The following RTL4 variants were observed in gnomAD, a reference collection of about 807,000 sequenced individuals.
The protein encoded by RTL4 is retrotransposon Gag-like protein 4.
RTL4 carries 4 observed loss-of-function variants against 5.3 expected under a neutral mutation model. The ratio of observed to expected loss-of-function variants is 0.75; its 90% CI spans 0.37 to 1.72. The LOEUF (loss-of-function observed/expected upper bound fraction) is 1.72. Ranked by LOEUF, RTL4 falls within the 40% of genes most tolerant of loss-of-function variation. The pLI is 0.04. For synonymous variants in RTL4, 98 were observed against 87.3 expected (o/e 1.12, Z -0.68); for missense variants, 260 against 227.1 (o/e 1.14, Z -0.93).
At chrX:112,276,553 G>A in the RTL4 span, among the ~76,000 whole-genome samples, 1,754 of 111,752 alleles carry the variant, frequency 0.016, 30 homozygotes, top group African/African-American at 0.055. Flanking sequence ...CTCAGAACCT[G>A]TTTTCTACTC....
chrX:112,092,914 A>G, the RTL4 span, among the ~76,000 whole-genome samples: 1 of 111,401 alleles, frequency 9.0e-6, no homozygotes, highest in African/African-American at 3.3e-5. Context: ...AGTCTCAGGT[A>G]TGTCTTTATC....
chrX:112,373,411 T>C, the RTL4 span, among the ~76,000 whole-genome samples: 1 of 111,226 alleles, frequency 9.0e-6, no homozygotes, highest in East Asian at 2.8e-4. Flanking sequence ...TAATGTCTTG[T>C]GTGATGTTTT....
At chrX:112,330,976 C>T in the RTL4 span, among the ~76,000 whole-genome samples, 1 of 109,869 alleles carries the variant, frequency 9.1e-6, no homozygotes, top group East Asian at 2.9e-4. Context: ...GAAACTGGAT[C>T]CCTTCCTTAT....
At chrX:112,256,921 T>C in the RTL4 span, among the ~76,000 whole-genome samples, 1 of 112,039 alleles carries the variant, frequency 8.9e-6, no homozygotes, top group Admixed American at 9.5e-5. Flanking sequence ...GTATTCTCTG[T>C]AGACAATCAA....
chrX:112,236,928 C>T, the RTL4 span, among the ~76,000 whole-genome samples: 1 of 110,946 alleles, frequency 9.0e-6, no homozygotes, highest in East Asian at 2.9e-4. Context: ...TAAGAGAGGG[C>T]CAGAGGGTCA....
At chrX:112,137,627 C>G in the RTL4 span, among the ~76,000 whole-genome samples, 1 of 111,736 alleles carries the variant, frequency 8.9e-6, no homozygotes, top group East Asian at 2.8e-4. Context: ...GTCCCTCCCT[C>G]GACATGTGGG....
chrX:112,258,345 C>A, the RTL4 span, among the ~76,000 whole-genome samples: 1 of 110,352 alleles, frequency 9.1e-6, no homozygotes, highest in South Asian at 3.9e-4. Flanking sequence ...TGTACCACTG[C>A]GGTGGCGGGT....
the RTL4 span, among the ~76,000 whole-genome samples, chrX:112,351,769 A>G: frequency 2.3e-4 from 26 of 111,027 alleles, no homozygotes; most frequent in Non-Finnish European, 3.8e-4. Flanking sequence ...GTCTCTGCAC[A>G]TGAGATGGGT....
chrX:112,392,867 G>T, the RTL4 span, among the ~76,000 whole-genome samples: 1 of 111,870 alleles, frequency 8.9e-6, no homozygotes, highest in Non-Finnish European at 1.9e-5. Context: ...GCTGTGCTGT[G>T]CTGGGGGACT....
At chrX:112,160,442 T>C in the RTL4 span, among the ~76,000 whole-genome samples, 19 of 112,162 alleles carry the variant, frequency 1.7e-4, no homozygotes, top group Non-Finnish European at 2.1e-4. Flanking sequence ...TTCTTATGCG[T>C]CAAGCAATGC....
the RTL4 span, among the ~76,000 whole-genome samples, chrX:112,116,867 C>G: frequency 9.0e-6 from 1 of 111,109 alleles, no homozygotes; most frequent in African/African-American, 3.3e-5. Flanking sequence ...TCAATTCATG[C>G]TAATATGAAA....
At chrX:112,249,124 C>T in the RTL4 span, among the ~76,000 whole-genome samples, 1 of 111,932 alleles carries the variant, frequency 8.9e-6, no homozygotes, top group African/African-American at 3.3e-5. Flanking sequence ...GCCCAGTGAG[C>T]GGGATTAGTT....
chrX:112,143,174 T>C, the RTL4 span, among the ~76,000 whole-genome samples: 4 of 111,622 alleles, frequency 3.6e-5, no homozygotes, highest in Admixed American at 9.5e-5. Context: ...AATATTTATA[T>C]AGCAATAGTT....
At chrX:112,318,077 A>C in the RTL4 span, among the ~76,000 whole-genome samples, 1 of 111,911 alleles carries the variant, frequency 8.9e-6, no homozygotes, top group Non-Finnish European at 1.9e-5. Context: ...AAACATCACC[A>C]ACCAAATTCT....
chrX:112,366,662 T>A, the RTL4 span, among the ~76,000 whole-genome samples: 2 of 112,469 alleles, frequency 1.8e-5, no homozygotes, highest in African/African-American at 6.4e-5. Context: ...ACTCTTCTTT[T>A]GAAGGTAGCC....
chrX:112,396,076 A>T, the RTL4 span, among the ~76,000 whole-genome samples: 5 of 111,448 alleles, frequency 4.5e-5, no homozygotes, highest in African/African-American at 1.6e-4. Context: ...ATATAATTAA[A>T]CAAATTTTTA....
chrX:112,419,611 G>GTATATGTAAA, the RTL4 span, among the ~76,000 whole-genome samples: 1 of 34,726 alleles, frequency 2.9e-5, no homozygotes, highest in African/African-American at 6.7e-5. Context: ...ATATGTATAT[G>GTATATGTAAA]TATATATATA....
the RTL4 span, among the ~76,000 whole-genome samples, chrX:112,326,793 A>G: frequency 9.0e-6 from 1 of 111,629 alleles, no homozygotes; most frequent in Non-Finnish European, 1.9e-5. Context: ...TTCTCCCAGC[A>G]TGCAGCTGGA....
At chrX:112,417,469 A>C in the RTL4 span, among the ~76,000 whole-genome samples, 1 of 112,073 alleles carries the variant, frequency 8.9e-6, no homozygotes, top group Non-Finnish European at 1.9e-5. Flanking sequence ...TCCATTCCAC[A>C]GACATTATTT....
Sources: gnomAD v4.1 joint callset for allele counts (sites outside exome capture counted in the v4.1 genomes callset) on GRCh38, gnomAD v4.1.1 for gene constraint, MANE v1.5 for transcripts, NCBI Gene and HGNC (gene_info 2026-07-23, HGNC 2026-07-21) for gene names.